SYN2: variants seen among roughly 807,000 people sequenced by gnomAD.
SYN2 encodes synapsin II.
Under a neutral mutation model 50.9 loss-of-function variants are expected in SYN2, and 19 were observed. The ratio of observed to expected loss-of-function variants is 0.37; its 90% CI spans 0.26 to 0.55. The LOEUF (loss-of-function observed/expected upper bound fraction) is 0.55, where lower values mean the gene tolerates loss of function less well. SYN2 is among the 20% of genes least tolerant of loss of function. SYN2 has a pLI of 0.81. For synonymous variants in SYN2, 255 were observed against 224.9 expected, an observed-to-expected ratio of 1.13 and a Z score of -1.20; for missense variants, 587 against 576.4, an observed-to-expected ratio of 1.02 and a Z score of -0.19.
intron 1 of SYN2, among the ~76,000 whole-genome samples, chr3:12,138,108 A>G (rs1696939905): frequency 6.6e-6 from 1 of 152,180 alleles, no homozygotes; most frequent in Non-Finnish European, 1.5e-5. Flanking sequence ...AGCAAGTTAC[A>G]CAATTTTTCA....
At chr3:12,062,936 G>A (rs1695145178) in intron 1 of SYN2, among the ~76,000 whole-genome samples, 1 of 151,918 alleles carries the variant, frequency 6.6e-6, no homozygotes, top group Admixed American at 6.6e-5. Context: ...AAAAAGACAT[G>A]GATGAATCTT....
intron 1 of SYN2, among the ~76,000 whole-genome samples, chr3:12,068,378 G>A (rs987033983): frequency 1.3e-5 from 2 of 152,142 alleles, no homozygotes; most frequent in African/African-American, 4.8e-5. Context: ...TAATCTTTTG[G>A]ATGTTGATCT....
In SYN2 at chr3:12,004,812, C is replaced by G. The variant is rs1163001334; in HGVS notation, c.261C>G (p.Ser87=). 1 of 465,734 alleles carries G rather than the reference C, an allele frequency of 2.1e-6. No homozygotes were observed. Among genetic ancestry groups the G allele is most frequent in the Admixed American group, 4.1e-5 (1 of 24,412 alleles). The allele number at this position is 465,734 out of a possible 1,614,324, so 28.9% of individuals were successfully genotyped here. Residue 87 remains serine (S), a synonymous_variant, in exon 1 of 13, where the codon TCC becomes TCG. Transcript: ENST00000621198. ...GCAGCAGCTTCTTCAGCTCGCTGTC[C>G]CAAGCCGTGAAGCAGACGGCCGCCT... is the stretch of plus-strand genomic sequence containing the variant. ...SVGSSFFSSL[S]QAVKQTAASA...
At chr3:12,129,741 G>A (rs1183696566) in intron 1 of SYN2, among the ~76,000 whole-genome samples, 2 of 152,180 alleles carry the variant, frequency 1.3e-5, no homozygotes, top group Admixed American at 1.3e-4. Context: ...GTGGGCAGGT[G>A]TCTTCTGCTG....
chr3:12,044,242 G>A (rs1574906501), intron 1 of SYN2, among the ~76,000 whole-genome samples: 1 of 150,678 alleles, frequency 6.6e-6, no homozygotes, highest in Admixed American at 6.6e-5. Context: ...GAGGATTCAA[G>A]TGAGGAGAGG....
At chr3:12,039,149 CT>C (rs1259010636) in intron 1 of SYN2, among the ~76,000 whole-genome samples, 1 of 152,064 alleles carries the variant, frequency 6.6e-6, no homozygotes, top group Non-Finnish European at 1.5e-5. Context: ...TTTTCTGTGT[CT>C]ATTGATACGA....
At position 12,127,682 on chromosome 3, in the gene SYN2, GT is replaced by G. The variant is rs937002284; in HGVS notation, c.378-12967del. On this transcript the variant is annotated intron_variant, in intron 1 of 12. Coordinates refer to ENST00000621198, the MANE Select transcript of SYN2 (RefSeq NM_133625.6). ...TTTGGATTTGGAAATCCAAAGTATT[GT>G]TGCCTTGAGGTATGAGGATGTTTCT... 2.7e-4 allele frequency among the ~76,000 whole-genome samples: 41 copies of G among 152,300 alleles called. 1 individual carries two copies. The highest frequency in any genetic ancestry group is 9.1e-4 in the African/African-American group (38 of 41,550).
intron 1 of SYN2, among the ~76,000 whole-genome samples, chr3:12,139,524 C>T (rs530274211): frequency 1.3e-5 from 2 of 152,266 alleles, no homozygotes; most frequent in African/African-American, 4.8e-5. Flanking sequence ...GCCTTGAATA[C>T]ACCATTTTCA....
chr3:12,078,752 T>C (rs1357594774), intron 1 of SYN2, among the ~76,000 whole-genome samples: 42 of 152,344 alleles, frequency 2.8e-4, no homozygotes, highest in Admixed American at 2.7e-3. Flanking sequence ...CCTCCAACTT[T>C]GTTCTTTTTG....
intron 1 of SYN2, among the ~76,000 whole-genome samples, chr3:12,049,779 C>A (rs1694815169): frequency 6.6e-6 from 1 of 152,160 alleles, no homozygotes; most frequent in Admixed American, 6.5e-5. Context: ...GTTTGTGCCA[C>A]ATCTGCCTGG....
chr3:12,140,923 T>C (rs899034552), intron 2 of SYN2, among the ~76,000 whole-genome samples: 4 of 152,222 alleles, frequency 2.6e-5, no homozygotes, highest in African/African-American at 9.6e-5. Context: ...GATTCCTTTT[T>C]ATGGCTCTAG....
intron 5 of SYN2, among the ~76,000 whole-genome samples, chr3:12,154,824 A>G (rs1432609452): frequency 6.6e-6 from 1 of 152,146 alleles, no homozygotes; most frequent in Non-Finnish European, 1.5e-5. Flanking sequence ...AAAATTATAA[A>G]GTTGTCAGAT....
chr3:12,070,762 CT>C, intron 1 of SYN2: 1 of 709,914 alleles, frequency 1.4e-6, no homozygotes, highest in South Asian at 1.4e-5. Flanking sequence ...CCATGCCGTC[CT>C]GCATCTGGAC....
intron 1 of SYN2, among the ~76,000 whole-genome samples, chr3:12,081,396 T>C (rs1695585068): frequency 6.6e-6 from 1 of 152,244 alleles, no homozygotes; most frequent in Non-Finnish European, 1.5e-5. Flanking sequence ...GACAATTTGC[T>C]TTTTTGGCAT....
intron 1 of SYN2, among the ~76,000 whole-genome samples, chr3:12,097,817 A>G (rs1016628552): frequency 3.3e-5 from 5 of 152,130 alleles, no homozygotes; most frequent in African/African-American, 1.2e-4. Flanking sequence ...GAACACTTGG[A>G]CACAGAGTGG....
intron 1 of SYN2, among the ~76,000 whole-genome samples, chr3:12,064,691 T>C (rs307594): frequency 0.83 from 126,692 of 152,002 alleles, 53,153 homozygotes; most frequent in Middle Eastern, 0.93. Context: ...AACTTTACAC[T>C]CCATAGGACA....
chr3:12,028,313 G>T (rs971863794), intron 1 of SYN2, among the ~76,000 whole-genome samples: 60 of 151,380 alleles, frequency 4.0e-4, no homozygotes, highest in Non-Finnish European at 7.7e-4. Flanking sequence ...CTTTGCTATT[G>T]TGAATAATGC....
At chr3:12,100,152 A>G (rs904880052) in intron 1 of SYN2, among the ~76,000 whole-genome samples, 2 of 152,144 alleles carry the variant, frequency 1.3e-5, no homozygotes, top group Middle Eastern at 6.8e-3. Flanking sequence ...TTAAAATCAT[A>G]TGGAAATCCT....
At chr3:12,122,885 AAAAC>A (rs986497910) in intron 1 of SYN2, among the ~76,000 whole-genome samples, 1 of 152,006 alleles carries the variant, frequency 6.6e-6, no homozygotes, top group African/African-American at 2.4e-5. Context: ...GACTTAAAAA[AAAAC>A]AAGAAAGAAC....
Sources: gnomAD v4.1 joint callset for allele counts (sites outside exome capture counted in the v4.1 genomes callset) on GRCh38, gnomAD v4.1.1 for gene constraint, MANE v1.5 for transcripts, NCBI Gene and HGNC (gene_info 2026-07-23, HGNC 2026-07-21) for gene names.